Variants in SOBP observed in about 807,000 individuals in gnomAD.
SOBP encodes the protein sine oculis binding protein homolog.
A neutral mutation model predicts 53.6 loss-of-function variants in SOBP; 4 were observed. That is an observed-to-expected ratio of 0.07 (90% CI 0.04 to 0.17). The LOEUF (loss-of-function observed/expected upper bound fraction) is 0.17. SOBP is among the 10% of genes least tolerant of loss of function. The probability of loss-of-function intolerance (pLI) is 1.00; values close to 1 mark genes in which losing one functional copy is unlikely to be tolerated. For missense variants in SOBP, 1,088 were observed against 1,204.7 expected (o/e 0.90, Z 1.43); for synonymous variants, 584 against 522.6 (o/e 1.12, Z -1.60).
At chr6:107,525,220 A>C (rs1395522487) in intron 3 of SOBP, among the ~76,000 whole-genome samples, 2 of 152,194 alleles carry the variant, frequency 1.3e-5, no homozygotes, top group African/African-American at 4.8e-5. Flanking sequence ...GACAGACTCC[A>C]CAGTGAACAC....
intron 3 of SOBP, chr6:107,513,871 G>A (rs552423351): frequency 6.6e-6 from 1 of 152,644 alleles, no homozygotes; most frequent in South Asian, 2.1e-4. Context: ...ATAGCTAATA[G>A]TTTTTGAGCA....
chr6:107,571,458 G>A (rs976074999), intron 4 of SOBP, among the ~76,000 whole-genome samples: 5 of 152,224 alleles, frequency 3.3e-5, no homozygotes, highest in African/African-American at 1.2e-4. Flanking sequence ...ATCCTTGGCT[G>A]AGGAGAAGCC....
chr6:107,531,418 C>T (rs1783821048), intron 3 of SOBP, among the ~76,000 whole-genome samples: 1 of 152,034 alleles, frequency 6.6e-6, no homozygotes, highest in Non-Finnish European at 1.5e-5. Context: ...AAAATAGAAA[C>T]TATTAGTTGC....
At chr6:107,575,937 G>C (rs918715533) in intron 4 of SOBP, among the ~76,000 whole-genome samples, 9 of 152,130 alleles carry the variant, frequency 5.9e-5, no homozygotes, top group Admixed American at 1.3e-4. Flanking sequence ...CTGCAGAATG[G>C]CTGGGGTTTG....
At chr6:107,516,635 A>G (rs1277523306) in intron 3 of SOBP, among the ~76,000 whole-genome samples, 1 of 152,200 alleles carries the variant, frequency 6.6e-6, no homozygotes, top group Non-Finnish European at 1.5e-5. Flanking sequence ...CAGTCAATCT[A>G]CAGGTTAACT....
intron 5 of SOBP, among the ~76,000 whole-genome samples, chr6:107,599,430 G>A (rs543712589): frequency 9.2e-5 from 14 of 151,736 alleles, no homozygotes; most frequent in Admixed American, 5.9e-4. Flanking sequence ...TACAGCTTTC[G>A]GTCATATGGA....
intron 1 of SOBP, among the ~76,000 whole-genome samples, chr6:107,497,048 TTC>T (rs1200082490): frequency 6.6e-6 from 1 of 152,230 alleles, no homozygotes; most frequent in Admixed American, 6.5e-5. Flanking sequence ...TGAACAAGGC[TTC>T]TGCCTGTCTT....
intron 5 of SOBP, among the ~76,000 whole-genome samples, chr6:107,628,127 A>G (rs1035446084): frequency 6.6e-6 from 1 of 152,238 alleles, no homozygotes; most frequent in African/African-American, 2.4e-5. Context: ...TTCAAACAGC[A>G]GTTGAGCCGA....
intron 4 of SOBP, among the ~76,000 whole-genome samples, chr6:107,534,909 A>C (rs557989690): frequency 6.6e-6 from 1 of 152,308 alleles, no homozygotes; most frequent in African/African-American, 2.4e-5. Flanking sequence ...AGGGGGATTA[A>C]AATGATCTCT....
At chr6:107,596,985 G>A (rs1053849785) in intron 5 of SOBP, among the ~76,000 whole-genome samples, 1 of 152,174 alleles carries the variant, frequency 6.6e-6, no homozygotes, top group African/African-American at 2.4e-5. Context: ...ACCATGTGAA[G>A]TACTCTGCTG....
At chr6:107,650,172 T>C (rs1425476591) in intron 6 of SOBP, among the ~76,000 whole-genome samples, 2 of 152,214 alleles carry the variant, frequency 1.3e-5, no homozygotes, top group Non-Finnish European at 1.5e-5. Flanking sequence ...ATTTTTATTT[T>C]ATTTTTAGTA....
intron 5 of SOBP, among the ~76,000 whole-genome samples, chr6:107,609,454 T>C (rs1786512029): frequency 1.3e-5 from 2 of 152,190 alleles, no homozygotes; most frequent in Admixed American, 6.5e-5. Context: ...CACTTCCCGC[T>C]CCTCAGCAAA....
intron 4 of SOBP, among the ~76,000 whole-genome samples, chr6:107,542,161 G>T (rs142332787): frequency 6.6e-6 from 1 of 152,172 alleles, no homozygotes; most frequent in East Asian, 1.9e-4. Flanking sequence ...ATAATAAAAA[G>T]CAGAGTGAGG....
chr6:107,648,233 A>G (rs1009521511), intron 6 of SOBP, among the ~76,000 whole-genome samples: 1 of 152,208 alleles, frequency 6.6e-6, no homozygotes, highest in African/African-American at 2.4e-5. Context: ...ATCTTAACAC[A>G]GTAAACATCT....
At chr6:107,628,771 C>T (rs1402205396) in intron 5 of SOBP, among the ~76,000 whole-genome samples, 1 of 152,224 alleles carries the variant, frequency 6.6e-6, no homozygotes, top group African/African-American at 2.4e-5. Context: ...CTCAGGGACA[C>T]TGAACTAGGG....
intron 5 of SOBP, among the ~76,000 whole-genome samples, chr6:107,632,329 C>A (rs1256839438): frequency 1.3e-5 from 2 of 151,064 alleles, no homozygotes; most frequent in African/African-American, 2.4e-5. Context: ...ATGGCCCCCC[C>A]CCAAAAAAAA....
At chr6:107,625,278 A>T (rs766287564) in intron 5 of SOBP, among the ~76,000 whole-genome samples, 1 of 152,168 alleles carries the variant, frequency 6.6e-6, no homozygotes, top group Non-Finnish European at 1.5e-5. Flanking sequence ...CTGGGCAGAG[A>T]TGGATACCAG....
At chr6:107,640,879 T>A (rs35505139) in intron 6 of SOBP, among the ~76,000 whole-genome samples, 18,573 of 152,136 alleles carry the variant, frequency 0.12, 1,443 homozygotes, top group South Asian at 0.33. Context: ...AGGGTCATGC[T>A]AGTGCAGCAC....
intron 4 of SOBP, among the ~76,000 whole-genome samples, chr6:107,549,303 C>A (rs1784397828): frequency 6.6e-6 from 1 of 151,652 alleles, no homozygotes; most frequent in Non-Finnish European, 1.5e-5. Context: ...CAAAAAAAAA[C>A]AGATAAATCC....
Sources: gnomAD v4.1 joint callset for allele counts (sites outside exome capture counted in the v4.1 genomes callset) on GRCh38, gnomAD v4.1.1 for gene constraint, MANE v1.5 for transcripts, NCBI Gene and HGNC (gene_info 2026-07-23, HGNC 2026-07-21) for gene names.